Variants in FSD1L observed in about 807,000 individuals in gnomAD.
FSD1L encodes the protein fibronectin type III and SPRY domain containing 1 like.
A neutral mutation model predicts 71.6 loss-of-function variants in FSD1L; 45 were observed. That is an observed-to-expected ratio of 0.63 (90% CI 0.49 to 0.81). The LOEUF is 0.81. Among genes scored for constraint, FSD1L ranks in the 30% least tolerant of loss-of-function variants. The pLI, the probability that FSD1L is intolerant of heterozygous loss-of-function variation, is 0.00. For synonymous variants in FSD1L, 197 were observed against 207.2 expected (o/e 0.95, Z 0.42); for missense variants, 561 against 618.1 (o/e 0.91, Z 0.98).
intron 7 of FSD1L, among the ~76,000 whole-genome samples, chr9:105,494,909 TATGGA>T: frequency 6.6e-6 from 1 of 152,184 alleles, no homozygotes; most frequent in Non-Finnish European, 1.5e-5. Context: ...AGTCTGCCCC[TATGGA>T]GGGGGTGCCT....
upstream of FSD1L, among the ~76,000 whole-genome samples, chr9:105,444,265 C>A (rs1829595439): frequency 6.6e-6 from 1 of 152,178 alleles, no homozygotes; most frequent in African/African-American, 2.4e-5. Flanking sequence ...CCTACATAAT[C>A]CCCTTTAATC....
intron 11 of FSD1L, 65 bp from the exon 12 acceptor site, chr9:105,535,002 G>A (rs1564149258): frequency 4.7e-6 from 7 of 1,489,556 alleles, no homozygotes; most frequent in African/African-American, 1.4e-5. Context: ...GGGACGAGTG[G>A]TAGGTAAAAC....
At chr9:105,489,487 T>C (rs1168474151) in intron 7 of FSD1L, among the ~76,000 whole-genome samples, 2 of 152,024 alleles carry the variant, frequency 1.3e-5, no homozygotes, top group East Asian at 3.9e-4. Flanking sequence ...CTGAATTCTT[T>C]GCAGTTTTAT....
intron 10 of FSD1L, chr9:105,513,667 T>C (rs1332263432): frequency 1.5e-5 from 22 of 1,480,400 alleles, no homozygotes; most frequent in Non-Finnish European, 2.0e-5. Context: ...TAGGACTTAG[T>C]AAAATCTAGC....
At chr9:105,462,840 C>G (rs1255051632) in intron 2 of FSD1L, among the ~76,000 whole-genome samples, 1 of 144,160 alleles carries the variant, frequency 6.9e-6, no homozygotes, top group East Asian at 2.1e-4. Flanking sequence ...TTTATATGAA[C>G]ATTTGTATAA....
At position 105,549,908 on chromosome 9, in the gene FSD1L, ATATT is replaced by A. The variant is rs1464979765; in HGVS notation, c.*3432_*3435del. ...ATATGGAAAATGATTATTTCAAAGA[ATATT>A]TATTTAAAGAGGGAAGTGTAGACTT... On this transcript the variant is annotated 3_prime_UTR_variant, in exon 14 of 14. Coordinates refer to ENST00000481272, the MANE Select transcript of FSD1L (RefSeq NM_001145313.3). 6.6e-6 allele frequency: 1 copy of A among 151,992 alleles called. No individual in the cohort carries two copies. The highest frequency in any genetic ancestry group is 6.6e-5 in the Admixed American group (1 of 15,240). The allele number at this position is 151,992 out of a possible 1,614,324, so 9.4% of individuals were successfully genotyped here.
At position 105,550,268 on chromosome 9, in the gene FSD1L, A is replaced by T. The variant is rs1043386953; in HGVS notation, c.*3785A>T. ...TAAAAAAAAATCAAATTAACTGCAT[A>T]TAAAATGGTTCACTTTTATATAGTC... On this transcript the variant is annotated 3_prime_UTR_variant, in exon 14 of 14. Coordinates refer to ENST00000481272, the MANE Select transcript of FSD1L (RefSeq NM_001145313.3). 5 of 152,070 alleles carry T rather than the reference A, an allele frequency of 3.3e-5. No individual in the cohort carries two copies. The highest frequency in any genetic ancestry group is 1.2e-4 in the African/African-American group (5 of 41,456). The allele number at this position is 152,070 out of a possible 1,614,324, so 9.4% of individuals were successfully genotyped here. A position where few individuals can be genotyped will look rare whatever the true frequency, so the allele number is the denominator to read the frequency against.
chr9:105,469,479 A>C (rs890452191), intron 4 of FSD1L, among the ~76,000 whole-genome samples: 1 of 151,682 alleles, frequency 6.6e-6, no homozygotes, highest in Admixed American at 6.6e-5. Flanking sequence ...GTATGACATG[A>C]TATTTCATTA....
intron 12 of FSD1L, among the ~76,000 whole-genome samples, chr9:105,537,900 A>G (rs939334186): frequency 1.3e-5 from 2 of 152,230 alleles, no homozygotes; most frequent in Non-Finnish European, 2.9e-5. Flanking sequence ...TGGAGAATTA[A>G]GAATGGATTT....
intron 7 of FSD1L, 35 bp downstream of exon 7, chr9:105,484,537 A>C: frequency 7.2e-7 from 1 of 1,384,190 alleles, no homozygotes; most frequent in Non-Finnish European, 9.4e-7. Context: ...GTTTTGTATA[A>C]AACTTTTTTT....
intron 7 of FSD1L, among the ~76,000 whole-genome samples, chr9:105,502,584 C>A (rs182653967): frequency 3.3e-5 from 5 of 152,264 alleles, no homozygotes; most frequent in Admixed American, 3.3e-4. Context: ...TATACATCTT[C>A]ATTTTCTTTA....
rs1002250046 is a variant in FSD1L at position 105,472,664 on chromosome 9, G to A, written c.441+659G>A. ...TTGATGTTATTTACTTCACCTTTGTGGAGTATGTAGTGAGCTGCATTGTGT... is the reference window on the plus strand; with the variant it reads ...TTGATGTTATTTACTTCACCTTTGTAGAGTATGTAGTGAGCTGCATTGTGT... On this transcript the variant is annotated intron_variant, in intron 5 of 13. Coordinates refer to ENST00000481272, the MANE Select transcript of FSD1L (RefSeq NM_001145313.3). The A allele has an allele frequency of 2.0e-5, 3 of 152,262 alleles. No homozygotes were observed. In the South Asian group the frequency reaches 6.2e-4, roughly 32 times the overall value. The allele number at this position is 152,262 out of a possible 1,614,324, so 9.4% of individuals were successfully genotyped here.
chr9:105,492,068 G>T (rs1010215214), intron 7 of FSD1L, among the ~76,000 whole-genome samples: 3 of 151,948 alleles, frequency 2.0e-5, no homozygotes, highest in Admixed American at 6.5e-5. Context: ...GTTTCAGAAG[G>T]AATGGTACCA....
At chr9:105,522,740 C>T in intron 10 of FSD1L, 1 of 1,603,182 alleles carries the variant, frequency 6.2e-7, no homozygotes. Context: ...GTGATATTGG[C>T]AGCAGCAGTG....
intron 10 of FSD1L, chr9:105,520,461 T>TAAAC (rs1835073728): frequency 9.4e-7 from 1 of 1,065,974 alleles, no homozygotes; most frequent in Admixed American, 1.7e-5. Flanking sequence ...AAGCTAGTCT[T>TAAAC]AAACAGAAAG....
chr9:105,492,690 G>T (rs964976448), intron 7 of FSD1L, among the ~76,000 whole-genome samples: 3 of 152,048 alleles, frequency 2.0e-5, no homozygotes, highest in Non-Finnish European at 4.4e-5. Context: ...AGAGATTCTG[G>T]TATGTTTTGT....
chr9:105,527,939 C>A (rs575867957), intron 10 of FSD1L, among the ~76,000 whole-genome samples: 11 of 152,292 alleles, frequency 7.2e-5, no homozygotes, highest in African/African-American at 2.6e-4. Flanking sequence ...TAAGCAACTT[C>A]AGCAAAGTCT....
intron 10 of FSD1L, among the ~76,000 whole-genome samples, chr9:105,528,544 A>C (rs1039341111): frequency 8.5e-5 from 13 of 152,212 alleles, no homozygotes; most frequent in African/African-American, 3.1e-4. Context: ...AAGATTCCCT[A>C]TTTAATAAAT....
At chr9:105,454,254 TAATA>T (rs1830227400) in intron 1 of FSD1L, among the ~76,000 whole-genome samples, 7 of 152,208 alleles carry the variant, frequency 4.6e-5, no homozygotes, top group Admixed American at 3.3e-4. Flanking sequence ...GCATTTCACA[TAATA>T]AATTATGGAT....
Sources: allele counts gnomAD v4.1 joint callset (sites outside exome capture counted in the v4.1 genomes callset), GRCh38; gene constraint gnomAD v4.1.1; transcripts MANE v1.5; gene names NCBI Gene and HGNC (gene_info 2026-07-23, HGNC 2026-07-21).